Variants in ASB4 observed in about 807,000 individuals in gnomAD.
The protein encoded by ASB4 is ankyrin repeat and SOCS box protein 4.
In ASB4, 35 loss-of-function variants were observed where a neutral mutation model predicts 38.6. The observed-to-expected ratio is 0.91, with a 90% CI of 0.69 to 1.20. The LOEUF (loss-of-function observed/expected upper bound fraction) is 1.20. Among genes scored for constraint, ASB4 ranks in the 50% most tolerant of loss-of-function variants. ASB4 has a pLI of 0.00. For missense variants in ASB4, 557 were observed against 527.2 expected (o/e 1.06, Z -0.55); for synonymous variants, 195 against 201.3 (o/e 0.97, Z 0.26).
At chr7:95,471,519 T>G in the ASB4 span, among the ~76,000 whole-genome samples, 3 of 152,228 alleles carry the variant, frequency 2.0e-5, no homozygotes, top group Non-Finnish European at 4.4e-5. Flanking sequence ...TGTTTACACC[T>G]ATTAGCAATT....
intron 1 of ASB4, among the ~76,000 whole-genome samples, chr7:95,486,940 G>C (rs543930040): frequency 1.3e-5 from 2 of 152,282 alleles, no homozygotes; most frequent in Middle Eastern, 3.4e-3. Flanking sequence ...TTAATTGGGG[G>C]AACGTGAGTA....
downstream of ASB4, chr7:95,543,898 A>G (rs956125734): frequency 1.3e-5 from 2 of 152,212 alleles, no homozygotes; most frequent in Non-Finnish European, 2.9e-5. Context: ...AGTAACAATT[A>G]TGATACAACC....
At chr7:95,496,617 T>C (rs1300966575) in intron 2 of ASB4, among the ~76,000 whole-genome samples, 6 of 151,818 alleles carry the variant, frequency 4.0e-5, no homozygotes, top group African/African-American at 1.5e-4. Context: ...GAGGCTAAGG[T>C]GAGAGGATCA....
intron 3 of ASB4, 113 bp downstream of exon 3, chr7:95,528,416 C>T (rs1188478964): frequency 6.4e-7 from 1 of 1,552,286 alleles, no homozygotes; most frequent in African/African-American, 1.4e-5. Flanking sequence ...CTAACTACCT[C>T]TGATCCTCTT....
rs1054212088 is a variant in ASB4 at position 95,538,813 on chromosome 7, C to G, written c.*1054C>G. 6.6e-5 allele frequency: 10 copies of G among 152,092 alleles called. No individual in the cohort carries two copies. Among genetic ancestry groups the G allele is most frequent in the Non-Finnish European group, 1.3e-4 (9 of 68,022 alleles). The allele number at this position is 152,092 out of a possible 1,614,324, so 9.4% of individuals were successfully genotyped here. ...GGGGGAAAGAAAGTGTGTGAGGGGA[C>G]CTAGTTGATTACTTCGGTCTTTTTA... is the stretch of plus-strand genomic sequence containing the variant. On this transcript the variant is annotated 3_prime_UTR_variant, in exon 5 of 5. Coordinates refer to ENST00000325885, the MANE Select transcript of ASB4 (RefSeq NM_016116.3).
chr7:95,482,082 A>G (rs1790025658), upstream of ASB4, among the ~76,000 whole-genome samples: 1 of 152,210 alleles, frequency 6.6e-6, no homozygotes, highest in Admixed American at 6.5e-5. Context: ...TTGATGGGCA[A>G]TTTAATTAAG....
chr7:95,486,298 C>G (rs2116573679), intron 1 of ASB4, 140 bp downstream of exon 1: 1 of 684,512 alleles, frequency 1.5e-6, no homozygotes, highest in Non-Finnish European at 2.3e-6. Flanking sequence ...TTGATATTTT[C>G]TTTCTTTTTA....
Position 95,486,934 on chromosome 7 carries a change from T to C in ASB4, c.187+776T>C, listed in dbSNP as rs575240287. ...CTGATTTCCCAAATCAACTGGTTAATTGGGGGAACGTGAGTAGTTAGATCA... is the reference window on the plus strand; with the variant it reads ...CTGATTTCCCAAATCAACTGGTTAACTGGGGGAACGTGAGTAGTTAGATCA... On this transcript the variant is annotated intron_variant, in intron 1 of 4. Transcript: ENST00000325885. 3.3e-5 allele frequency among the ~76,000 whole-genome samples: 5 copies of C among 152,296 alleles called. No homozygotes were observed. In the South Asian group the frequency reaches 1.0e-3, roughly 32 times the overall value.
downstream of ASB4, chr7:95,543,999 A>G (rs1584102284): frequency 6.6e-6 from 1 of 152,006 alleles, no homozygotes; most frequent in African/African-American, 2.4e-5. Context: ...CTTTTCTTCC[A>G]TGCCACCCCC....
chr7:95,542,838 T>G (rs1169187201), downstream of ASB4: 1 of 152,222 alleles, frequency 6.6e-6, no homozygotes, highest in Non-Finnish European at 1.5e-5. Context: ...TCAATGATAT[T>G]GGATAACCAC....
chr7:95,520,188 G>C lies in ASB4; in HGVS notation c.488-7625G>C, dbSNP rs558007952. 3.3e-5 allele frequency among the ~76,000 whole-genome samples: 5 copies of C among 152,330 alleles called. No homozygotes were observed. In the South Asian group the frequency reaches 1.0e-3, roughly 32 times the overall value. On this transcript the variant is annotated intron_variant, in intron 2 of 4. Transcript: ENST00000325885. ...GAATTTTGAAAGTGTCCCCCCAACAGGGGCACATGTGCCTCTGACACGGTG... is the reference window on the plus strand; with the variant it reads ...GAATTTTGAAAGTGTCCCCCCAACACGGGCACATGTGCCTCTGACACGGTG...
At chr7:95,545,792 C>A in the ASB4 span, among the ~76,000 whole-genome samples, 4 of 152,092 alleles carry the variant, frequency 2.6e-5, no homozygotes, top group African/African-American at 9.7e-5. Context: ...TTAAAAACTA[C>A]CAAAGAGACA....
chr7:95,493,386 GTGTGTA>G (rs1267611198), intron 1 of ASB4, among the ~76,000 whole-genome samples: 2,471 of 45,734 alleles, frequency 0.054, 34 homozygotes, highest in East Asian at 0.082. Flanking sequence ...GTGTGTGTGT[GTGTGTA>G]TGTGTGTGTG....
chr7:95,514,792 G>T (rs1790531840), intron 2 of ASB4, among the ~76,000 whole-genome samples: 1 of 152,166 alleles, frequency 6.6e-6, no homozygotes, highest in African/African-American at 2.4e-5. Flanking sequence ...TGGCCTTTCT[G>T]CAAGAAACAG....
the ASB4 span, among the ~76,000 whole-genome samples, chr7:95,549,887 C>G: frequency 6.6e-6 from 1 of 152,108 alleles, no homozygotes; most frequent in Non-Finnish European, 1.5e-5. Flanking sequence ...GGGAGTTTGA[C>G]GAGCAGGGAG....
In ASB4 at chr7:95,511,603, G is replaced by A. The variant is rs113773272; in HGVS notation, c.487+15546G>A. 6.8e-3 allele frequency among the ~76,000 whole-genome samples: 1,025 copies of A among 151,766 alleles called. 16 individuals are homozygous for A. The highest frequency in any genetic ancestry group is 0.023 in the African/African-American group (945 of 41,340). ...CTTGAACCTGGGAGGCCGAGGGTGCGGTGAGCCGAGATTGCGCCATTGCAC... is the reference window on the plus strand; with the variant it reads ...CTTGAACCTGGGAGGCCGAGGGTGCAGTGAGCCGAGATTGCGCCATTGCAC... On this transcript the variant is annotated intron_variant, in intron 2 of 4. Transcript: ENST00000325885.
At chr7:95,480,899 G>C (rs1402108339) in intron 1 of ASB4, among the ~76,000 whole-genome samples, 1 of 152,010 alleles carries the variant, frequency 6.6e-6, no homozygotes, top group African/African-American at 2.4e-5. Context: ...ATTGAATGAA[G>C]GGCTAAATGT....
At chr7:95,494,280 A>ATATT (rs1228941325) in intron 1 of ASB4, among the ~76,000 whole-genome samples, 2 of 152,198 alleles carry the variant, frequency 1.3e-5, no homozygotes, top group Non-Finnish European at 2.9e-5. Flanking sequence ...AGTCATCGTA[A>ATATT]TATTCTAGAT....
chr7:95,529,297 A>C (rs1790788038), intron 3 of ASB4, among the ~76,000 whole-genome samples: 2 of 152,214 alleles, frequency 1.3e-5, no homozygotes, highest in South Asian at 4.1e-4. Flanking sequence ...CCTTGCTCTA[A>C]AAATTTAATT....
Sources: gnomAD v4.1 joint callset for allele counts (sites outside exome capture counted in the v4.1 genomes callset) on GRCh38, gnomAD v4.1.1 for gene constraint, MANE v1.5 for transcripts, NCBI Gene and HGNC (gene_info 2026-07-23, HGNC 2026-07-21) for gene names.